NHEJ1: variants seen among roughly 807,000 people sequenced by gnomAD.
NHEJ1 encodes non-homologous end-joining factor 1.
A neutral mutation model predicts 39.4 loss-of-function variants in NHEJ1; 22 were observed. That is an observed-to-expected ratio of 0.56 (90% CI 0.40 to 0.80). The LOEUF is 0.80. Among genes scored for constraint, NHEJ1 ranks in the 30% least tolerant of loss-of-function variants. NHEJ1 has a pLI of 0.00. For missense variants in NHEJ1, 329 were observed against 357.1 expected (o/e 0.92, Z 0.63); for synonymous variants, 154 against 135.6 (o/e 1.14, Z -0.94).
chr2:219,117,033 C>A (rs1949422483), intron 5 of NHEJ1, among the ~76,000 whole-genome samples: 1 of 152,136 alleles, frequency 6.6e-6, no homozygotes, highest in African/African-American at 2.4e-5. Flanking sequence ...CATCCCACAA[C>A]CTGGGCTCCA....
intron 5 of NHEJ1, among the ~76,000 whole-genome samples, chr2:219,143,120 C>G (rs1278684921): frequency 6.6e-6 from 1 of 152,114 alleles, no homozygotes; most frequent in Non-Finnish European, 1.5e-5. Flanking sequence ...ACCGCATGGC[C>G]CTCTGACACC....
intron 5 of NHEJ1, among the ~76,000 whole-genome samples, chr2:219,090,450 T>C (rs1345352039): frequency 6.6e-6 from 1 of 152,246 alleles, no homozygotes; most frequent in African/African-American, 2.4e-5. Context: ...TTAACTGTTA[T>C]TATTAATTCA....
intron 5 of NHEJ1, among the ~76,000 whole-genome samples, chr2:219,116,160 T>C (rs891132727): frequency 2.0e-4 from 30 of 152,254 alleles, no homozygotes; most frequent in African/African-American, 5.1e-4. Context: ...AATGAAGTGA[T>C]TGGATTTGCC....
chr2:219,130,879 A>G (rs1294953895), intron 5 of NHEJ1, among the ~76,000 whole-genome samples: 1 of 152,112 alleles, frequency 6.6e-6, no homozygotes, highest in Admixed American at 6.5e-5. Context: ...GCTTGAGGCC[A>G]GGAGTTCAAG....
intron 5 of NHEJ1, among the ~76,000 whole-genome samples, chr2:219,110,302 G>T (rs1949353604): frequency 6.6e-6 from 1 of 152,106 alleles, no homozygotes; most frequent in Admixed American, 6.5e-5. Flanking sequence ...GACTGCTTGA[G>T]CCCAGGAGTT....
chr2:219,104,057 GTTTT>G lies in NHEJ1; in HGVS notation c.589-25855_589-25852del, dbSNP rs547436645. Among the ~76,000 whole-genome samples, 114 of 150,810 alleles carry G rather than the reference GTTTT, an allele frequency of 7.6e-4. No homozygotes were observed. The South Asian group carries it at 0.012, about 16-fold the overall frequency. ...AACATTTTTTTTTGGTTCTGGTTTT[GTTTT>G]TTTTTGTTTGTTTGTTTTGTTTTGT... On this transcript the variant is annotated intron_variant, in intron 5 of 7. Transcript: ENST00000356853.
chr2:219,126,459 A>T (rs1949515984), intron 5 of NHEJ1, among the ~76,000 whole-genome samples: 1 of 152,236 alleles, frequency 6.6e-6, no homozygotes, highest in Non-Finnish European at 1.5e-5. Flanking sequence ...TTATCTGAGT[A>T]GGTGATCAAT....
At chr2:219,084,374 T>C (rs1396661995) in intron 5 of NHEJ1, among the ~76,000 whole-genome samples, 1 of 152,174 alleles carries the variant, frequency 6.6e-6, no homozygotes, top group Non-Finnish European at 1.5e-5. Context: ...AGCATCTGTA[T>C]TAACTTCTCT....
intron 5 of NHEJ1, among the ~76,000 whole-genome samples, chr2:219,080,643 A>G (rs397180): frequency 2.4e-5 from 2 of 83,372 alleles, no homozygotes; most frequent in Non-Finnish European, 2.5e-5. Context: ...ATATAAGCTT[A>G]TATATATGCT....
At chr2:219,139,335 G>A (rs143034539) in intron 5 of NHEJ1, among the ~76,000 whole-genome samples, 79 of 152,160 alleles carry the variant, frequency 5.2e-4, no homozygotes, top group African/African-American at 1.6e-3. Context: ...TGATCTGCCC[G>A]CCTCAGCCTC....
At chr2:219,120,824 G>A (rs926261619) in intron 5 of NHEJ1, among the ~76,000 whole-genome samples, 3 of 152,116 alleles carry the variant, frequency 2.0e-5, no homozygotes, top group African/African-American at 7.2e-5. Flanking sequence ...AAATCTTAGG[G>A]CTAGCCATGT....
At position 219,075,969 on chromosome 2, in the gene NHEJ1, C is replaced by A; in HGVS notation, c.*412G>T. On this transcript the variant is annotated 3_prime_UTR_variant, in exon 8 of 8. Transcript: ENST00000356853. ...TCCACAGCATAAGTAATCCCAAAAGCAGGGACTGTGAGTGCTTTTTATTCC... is the reference window on the plus strand; with the variant it reads ...TCCACAGCATAAGTAATCCCAAAAGAAGGGACTGTGAGTGCTTTTTATTCC... 3.7e-6 allele frequency: 1 copy of A among 268,942 alleles called. No homozygotes were observed. The highest frequency in any genetic ancestry group is 7.0e-6 in the Non-Finnish European group (1 of 142,006). The allele number at this position is 268,942 out of a possible 1,614,324, so 16.7% of individuals were successfully genotyped here. A position where few individuals can be genotyped will look rare whatever the true frequency, so the allele number is the denominator to read the frequency against.
chr2:219,158,928 T>A, intron 1 of NHEJ1: 1 of 172,300 alleles, frequency 5.8e-6, no homozygotes, highest in Admixed American at 5.4e-5. Flanking sequence ...TGCATGTGAA[T>A]CCTCTAGAAT....
In NHEJ1 at chr2:219,146,497, G is replaced by GT. The variant is rs1949742454; in HGVS notation, c.588+182dup. The stretch of plus-strand genomic sequence containing the variant: ...CTTCCGCCTCTTACGTTCTTTCCCC[G>GT]TTTTTTCCCTCATCTTCCCTAAGTA... On this transcript the variant is annotated intron_variant, in intron 5 of 7. Coordinates refer to ENST00000356853, the MANE Select transcript of NHEJ1 (RefSeq NM_024782.3). Among the ~76,000 whole-genome samples the GT allele has an allele frequency of 3.3e-5, 5 of 152,046 alleles. No individual in the cohort carries two copies. The South Asian group carries it at 8.3e-4, about 25-fold the overall frequency.
chr2:219,086,922 G>T lies in NHEJ1; in HGVS notation c.589-8716C>A, dbSNP rs573741715. 2.0e-5 allele frequency among the ~76,000 whole-genome samples: 3 copies of T among 152,166 alleles called. No homozygotes were observed. The South Asian group carries it at 6.2e-4, about 32-fold the overall frequency. On this transcript the variant is annotated intron_variant, in intron 5 of 7. Transcript: ENST00000356853. ...GAGGGCCAGAGCCTAAACTGTCCCT[G>T]GAGCCCCACCCAGCCCCAGCACAAA...
chr2:219,132,223 T>C (rs965750180), intron 5 of NHEJ1, among the ~76,000 whole-genome samples: 1 of 152,358 alleles, frequency 6.6e-6, no homozygotes, highest in East Asian at 1.9e-4. Context: ...AACTGTTGGA[T>C]AGATTACTCA....
intron 3 of NHEJ1, among the ~76,000 whole-genome samples, chr2:219,149,265 G>A (rs1949772849): frequency 6.6e-6 from 1 of 152,086 alleles, no homozygotes. Context: ...ACTCTCATAT[G>A]ATAATGTATA....
chr2:219,125,768 T>G (rs904367288), intron 5 of NHEJ1: 1 of 152,272 alleles, frequency 6.6e-6, no homozygotes, highest in Non-Finnish European at 1.5e-5. Flanking sequence ...ACAGACTAGG[T>G]GTCCACTGAT....
intron 5 of NHEJ1, among the ~76,000 whole-genome samples, chr2:219,145,208 G>A (rs1406637425): frequency 1.3e-5 from 2 of 149,826 alleles, no homozygotes; most frequent in Non-Finnish European, 2.9e-5. Flanking sequence ...GAGCAAGTGA[G>A]GCTTCGTTTC....
Sources: gnomAD v4.1 joint callset for allele counts (sites outside exome capture counted in the v4.1 genomes callset) on GRCh38, gnomAD v4.1.1 for gene constraint, MANE v1.5 for transcripts, NCBI Gene and HGNC (gene_info 2026-07-23, HGNC 2026-07-21) for gene names.